The following SERGEF variants were observed in gnomAD, a reference collection of about 807,000 sequenced individuals.
SERGEF encodes the protein secretion-regulating guanine nucleotide exchange factor.
SERGEF carries 51 observed loss-of-function variants against 50.0 expected under a neutral mutation model. The observed-to-expected ratio is 1.02, with a 90% CI of 0.81 to 1.29. The LOEUF is 1.29. SERGEF is among the 50% of genes most tolerant of loss of function. SERGEF has a pLI of 0.00. For missense variants in SERGEF, 521 were observed against 557.0 expected (o/e 0.94, Z 0.65); for synonymous variants, 205 against 212.4 (o/e 0.97, Z 0.30).
intron 10 of SERGEF, among the ~76,000 whole-genome samples, chr11:17,839,039 A>G (rs1007007182): frequency 1.6e-4 from 24 of 152,260 alleles, no homozygotes; most frequent in African/African-American, 5.8e-4. Context: ...CAGGGAGGCT[A>G]GGCAGATAAA....
chr11:17,998,835 A>T (rs957380182), intron 5 of SERGEF, among the ~76,000 whole-genome samples: 1 of 151,206 alleles, frequency 6.6e-6, no homozygotes, highest in Non-Finnish European at 1.5e-5. Flanking sequence ...GGCCAGGAAA[A>T]AAAAAAAAAC....
intron 8 of SERGEF, among the ~76,000 whole-genome samples, chr11:17,970,914 A>G (rs11024439): frequency 0.024 from 3,668 of 152,218 alleles, 166 homozygotes; most frequent in African/African-American, 0.085. Context: ...AAGCTGTAGG[A>G]CCGGTCATGG....
chr11:17,977,501 C>G (rs1853401388), intron 8 of SERGEF, among the ~76,000 whole-genome samples: 2 of 152,178 alleles, frequency 1.3e-5, no homozygotes, highest in South Asian at 4.1e-4. Flanking sequence ...CCCTTTCCTG[C>G]TTCAAAGGCC....
intron 9 of SERGEF, among the ~76,000 whole-genome samples, chr11:17,927,553 T>C (rs1275251869): frequency 4.6e-5 from 7 of 152,238 alleles, no homozygotes; most frequent in Admixed American, 4.6e-4. Context: ...TCTCTTCCAC[T>C]AATTTGCTGT....
intron 10 of SERGEF, among the ~76,000 whole-genome samples, chr11:17,827,409 T>A (rs916352700): frequency 9.8e-5 from 15 of 152,318 alleles, no homozygotes; most frequent in African/African-American, 3.6e-4. Flanking sequence ...CCCCACAGTG[T>A]AGTCACCATA....
At chr11:17,831,684 C>G (rs4757593) in intron 10 of SERGEF, among the ~76,000 whole-genome samples, 50,422 of 152,042 alleles carry the variant, frequency 0.33, 8,562 homozygotes, top group South Asian at 0.46. Context: ...TATCTTGGCT[C>G]TATACCCTTT....
chr11:18,001,792 T>C (rs1056495682), intron 4 of SERGEF, among the ~76,000 whole-genome samples: 1 of 152,262 alleles, frequency 6.6e-6, no homozygotes, highest in Non-Finnish European at 1.5e-5. Context: ...TTCACTTCTC[T>C]AAATATGCTC....
chr11:17,817,480 T>C (rs1008541186), intron 10 of SERGEF, among the ~76,000 whole-genome samples: 26 of 152,110 alleles, frequency 1.7e-4, no homozygotes, highest in African/African-American at 6.3e-4. Flanking sequence ...CCTCCCAAAG[T>C]GCTGGGATTA....
intron 9 of SERGEF, among the ~76,000 whole-genome samples, chr11:17,905,594 G>C (rs756878546): frequency 6.6e-6 from 1 of 152,190 alleles, no homozygotes; most frequent in African/African-American, 2.4e-5. Context: ...TTCTCTAATG[G>C]GTAATTTATA....
At chr11:17,858,825 G>A (rs1850871067) in intron 10 of SERGEF, among the ~76,000 whole-genome samples, 1 of 152,118 alleles carries the variant, frequency 6.6e-6, no homozygotes, top group South Asian at 2.1e-4. Context: ...GAAAGGAGTG[G>A]TTACCCTTGG....
At chr11:17,972,545 T>C (rs1048932171) in intron 8 of SERGEF, among the ~76,000 whole-genome samples, 2 of 152,228 alleles carry the variant, frequency 1.3e-5, no homozygotes, top group Non-Finnish European at 2.9e-5. Context: ...TTTATAGAGA[T>C]AATGCTATTG....
chr11:17,919,748 C>A (rs1852118107), intron 9 of SERGEF, among the ~76,000 whole-genome samples: 1 of 152,130 alleles, frequency 6.6e-6, no homozygotes, highest in Admixed American at 6.5e-5. Context: ...GGCCTTTGCA[C>A]TGGGACATGC....
chr11:17,926,964 G>A (rs1038677914), intron 9 of SERGEF: 6 of 394,762 alleles, frequency 1.5e-5, no homozygotes, highest in Middle Eastern at 4.5e-4. Context: ...CCTCTTTGAC[G>A]GATAAACCAA....
intron 9 of SERGEF, among the ~76,000 whole-genome samples, chr11:17,879,063 G>A (rs1291986898): frequency 1.3e-5 from 2 of 152,126 alleles, no homozygotes; most frequent in African/African-American, 4.8e-5. Context: ...CCTCTGTATT[G>A]CACAGATGGA....
At chr11:17,945,070 TA>T (rs939123060) in intron 9 of SERGEF, among the ~76,000 whole-genome samples, 1 of 152,232 alleles carries the variant, frequency 6.6e-6, no homozygotes, top group Non-Finnish European at 1.5e-5. Context: ...AAAATGGCCT[TA>T]AATAAGCCAC....
intron 8 of SERGEF, among the ~76,000 whole-genome samples, chr11:17,980,470 A>G (rs1264649042): frequency 1.3e-5 from 2 of 152,256 alleles, no homozygotes; most frequent in African/African-American, 4.8e-5. Flanking sequence ...TAACTTTAAA[A>G]TAGTATTTAT....
At chr11:17,842,070 G>T (rs987783291) in intron 10 of SERGEF, among the ~76,000 whole-genome samples, 9 of 152,052 alleles carry the variant, frequency 5.9e-5, no homozygotes, top group African/African-American at 1.9e-4. Context: ...TGCATGACTG[G>T]TGCAATTTTT....
At chr11:17,927,086 C>T (rs143634122) in intron 9 of SERGEF, among the ~76,000 whole-genome samples, 2,134 of 152,308 alleles carry the variant, frequency 0.014, 31 homozygotes, top group Non-Finnish European at 0.022. Context: ...CTCTTTGCCA[C>T]TTAGCACATC....
chr11:17,878,574 A>C (rs1851283473), intron 9 of SERGEF, among the ~76,000 whole-genome samples: 1 of 152,246 alleles, frequency 6.6e-6, no homozygotes, highest in Admixed American at 6.5e-5. Flanking sequence ...TACTGTAAAA[A>C]TGGAAAGATA....
Sources: allele counts gnomAD v4.1 joint callset (sites outside exome capture counted in the v4.1 genomes callset), GRCh38; gene constraint gnomAD v4.1.1; transcripts MANE v1.5; gene names NCBI Gene and HGNC (gene_info 2026-07-23, HGNC 2026-07-21).